Variants in FREM2 observed in about 807,000 individuals in gnomAD.
FREM2 encodes the protein FRAS1 related extracellular matrix 2.
Under a neutral mutation model 219.9 loss-of-function variants are expected in FREM2, and 119 were observed. The observed-to-expected ratio is 0.54, with a 90% CI of 0.47 to 0.63. The LOEUF (loss-of-function observed/expected upper bound fraction) is 0.63, where lower values mean the gene tolerates loss of function less well. Among genes scored for constraint, FREM2 ranks in the 30% least tolerant of loss-of-function variants. FREM2 has a pLI of 0.00. For missense variants in FREM2, 4,030 were observed against 3,993.6 expected (o/e 1.01, Z -0.25); for synonymous variants, 1,562 against 1,522.8 (o/e 1.03, Z -0.60).
At chr13:38,710,333 T>G (rs1248809016) in intron 2 of FREM2, among the ~76,000 whole-genome samples, 1 of 152,196 alleles carries the variant, frequency 6.6e-6, no homozygotes, top group Non-Finnish European at 1.5e-5. Context: ...ATTCAATATC[T>G]CTATTTGTAG....
chr13:38,747,737 T>C (rs139862623), intron 2 of FREM2, among the ~76,000 whole-genome samples: 5 of 152,272 alleles, frequency 3.3e-5, no homozygotes, highest in Non-Finnish European at 7.4e-5. Flanking sequence ...TTGTATTTAT[T>C]GATATTCTCA....
Position 38,851,043 on chromosome 13 carries a change from C to G in FREM2, c.6677C>G (p.Ser2226Cys). The change falls in exon 10 of 24, where the codon TCT (serine) becomes TGT (cysteine). Residue 2226 changes from serine to cysteine, a missense_variant. Physicochemically the swap from Ser to Cys is moderately radical, Grantham distance 112 (BLOSUM62 -1). Around this residue, in one of 2 missense-constraint regions of FREM2, gnomAD observed 3,102 missense variants for 2,950.7 expected, o/e 1.05. Coordinates refer to ENST00000280481, the MANE Select transcript of FREM2 (RefSeq NM_207361.6). The part of the protein sequence containing the change: ...RLVLGTPQSN[S>C]PFGAAVGEQN... Reference sequence around the variant, plus strand: ...GTACTCGGCACTCCACAAAGCAACTCTCCCTTTGGGGCTGCAGTTGGTGAA... The same window carrying G: ...GTACTCGGCACTCCACAAAGCAACTGTCCCTTTGGGGCTGCAGTTGGTGAA... 1 of 1,614,064 alleles carries G rather than the reference C, an allele frequency of 6.2e-7. No homozygotes were observed. Among genetic ancestry groups the G allele is most frequent in the African/African-American group, 1.3e-5 (1 of 75,050 alleles).
At chr13:38,719,902 GC>G (rs2138106076) in intron 2 of FREM2, among the ~76,000 whole-genome samples, 1 of 152,260 alleles carries the variant, frequency 6.6e-6, no homozygotes, top group African/African-American at 2.4e-5. Context: ...CTAACTTGCT[GC>G]CTGTCACAAT....
chr13:38,698,417 C>T (rs1039113131), intron 2 of FREM2, among the ~76,000 whole-genome samples: 17 of 152,190 alleles, frequency 1.1e-4, no homozygotes, highest in Admixed American at 7.9e-4. Context: ...GTCTTTTGGG[C>T]GATATTATTC....
In FREM2 at chr13:38,851,683, T is replaced by G; in HGVS notation, c.6743-3T>G. On this transcript the variant is annotated splice_polypyrimidine_tract_variant and splice_region_variant and intron_variant, in intron 10 of 23. Transcript: ENST00000280481. ...CATTTGTCTTTGTTTCCCACAATTTTAGAGACTGTTATTAAATTTGGAGAA... is the reference window on the plus strand; with the variant it reads ...CATTTGTCTTTGTTTCCCACAATTTGAGAGACTGTTATTAAATTTGGAGAA... The G allele has an allele frequency of 1.3e-6, 2 of 1,596,404 alleles. No homozygotes were observed. The highest frequency in any genetic ancestry group is 8.6e-7 in the Non-Finnish European group (1 of 1,164,400).
intron 2 of FREM2, among the ~76,000 whole-genome samples, chr13:38,727,925 A>G (rs987141139): frequency 1.3e-5 from 2 of 152,218 alleles, no homozygotes; most frequent in African/African-American, 2.4e-5. Flanking sequence ...TTGTAATCTG[A>G]GCATGGCTTA....
At chr13:38,783,313 T>TA (rs776255239) in intron 5 of FREM2, 118 bp downstream of exon 5, 1 of 1,089,640 alleles carries the variant, frequency 9.2e-7, no homozygotes, top group Non-Finnish European at 1.4e-6. Context: ...TTTCCATAGA[T>TA]ACAGAAAAGG....
At chr13:38,736,447 G>GAA (rs992356417) in intron 2 of FREM2, among the ~76,000 whole-genome samples, 15 of 151,890 alleles carry the variant, frequency 9.9e-5, no homozygotes, top group African/African-American at 3.6e-4. Context: ...TAAAAAGCTA[G>GAA]AAAAAAAGTA....
chr13:38,691,091 C>A lies in FREM2; in HGVS notation c.3747C>A (p.Val1249=). ...MNQLINGTVL[V]ESFTLDQIIE... ...AGCTGATAAATGGCACGGTTTTGGT[C>A]GAAAGCTTCACCTTGGATCAGATCA... The change falls in exon 1 of 24, where the codon GTC becomes GTA. Residue 1249 remains valine, a synonymous_variant. Transcript: ENST00000280481. The A allele has an allele frequency of 6.2e-7, 1 of 1,613,954 alleles. No homozygotes were observed. The highest frequency in any genetic ancestry group is 8.5e-7 in the Non-Finnish European group (1 of 1,180,008).
chr13:38,743,746 T>G (rs1872344948), intron 2 of FREM2, among the ~76,000 whole-genome samples: 1 of 152,154 alleles, frequency 6.6e-6, no homozygotes, highest in African/African-American at 2.4e-5. Context: ...AGCTTAATCC[T>G]TACTGAATAG....
At position 38,864,484 on chromosome 13, in the gene FREM2, T is replaced by C; in HGVS notation, c.7861T>C (p.Ser2621Pro). ...PYQYSLSIRG[S>P]TTLRFYRNLN... ...CCAGTACAGCTTGTCCATCAGAGGT[T>C]CCACTACCTTGCGCTTCTACCGGAA... Residue 2621 changes from serine to proline, a missense_variant, in exon 16 of 24, where the codon TCC becomes CCC. Transcript: ENST00000280481. The C allele has an allele frequency of 6.2e-7, 1 of 1,614,162 alleles. No individual in the cohort carries two copies. Among genetic ancestry groups the C allele is most frequent in the Non-Finnish European group, 8.5e-7 (1 of 1,180,002 alleles).
chr13:38,694,605 G>A (rs977008511), intron 1 of FREM2, among the ~76,000 whole-genome samples: 4 of 152,108 alleles, frequency 2.6e-5, no homozygotes, highest in Non-Finnish European at 4.4e-5. Context: ...TATTTTGATG[G>A]ATTTTCAATG....
intron 2 of FREM2, among the ~76,000 whole-genome samples, chr13:38,752,729 G>A (rs982995265): frequency 2.0e-5 from 3 of 152,192 alleles, no homozygotes; most frequent in African/African-American, 7.2e-5. Context: ...AGTTCAGACT[G>A]TAATCCATGT....
At chr13:38,867,588 G>A (rs555639352) in intron 16 of FREM2, among the ~76,000 whole-genome samples, 2 of 152,206 alleles carry the variant, frequency 1.3e-5, no homozygotes, top group Non-Finnish European at 2.9e-5. Flanking sequence ...CGAGATCGTA[G>A]AGACTGAACA....
chr13:38,750,226 CCCA>C (rs1566127660), intron 2 of FREM2, among the ~76,000 whole-genome samples: 1 of 152,088 alleles, frequency 6.6e-6, no homozygotes, highest in Non-Finnish European at 1.5e-5. Context: ...TTCCATAATT[CCCA>C]CGTGTTGTGG....
At chr13:38,864,750 AT>A in intron 16 of FREM2, 144 bp downstream of exon 16, 1 of 734,274 alleles carries the variant, frequency 1.4e-6, no homozygotes, top group Non-Finnish European at 2.4e-6. Flanking sequence ...GACAACTGGC[AT>A]GGATGGTGTG....
chr13:38,701,499 AT>A (rs1466011889), intron 2 of FREM2, among the ~76,000 whole-genome samples: 1 of 152,112 alleles, frequency 6.6e-6, no homozygotes, highest in Non-Finnish European at 1.5e-5. Flanking sequence ...GTACTCTGGA[AT>A]TTTGTTAGGG....
intron 6 of FREM2, among the ~76,000 whole-genome samples, chr13:38,802,658 C>G (rs566496061): frequency 6.6e-6 from 1 of 152,170 alleles, no homozygotes; most frequent in African/African-American, 2.4e-5. Context: ...AGCATCAGCT[C>G]CAGGATAAGA....
chr13:38,705,187 C>T (rs536507110), intron 2 of FREM2, among the ~76,000 whole-genome samples: 1 of 152,244 alleles, frequency 6.6e-6, no homozygotes, highest in East Asian at 1.9e-4. Context: ...TGCAGAAAGA[C>T]AGATGTCATA....
Sources: gnomAD v4.1 joint callset for allele counts (sites outside exome capture counted in the v4.1 genomes callset) on GRCh38, gnomAD v4.1.1 for gene constraint, gnomAD v4.1.1 regional missense constraint, MANE v1.5 for transcripts, NCBI Gene and HGNC (gene_info 2026-07-23, HGNC 2026-07-21) for gene names.